Variants in LRRC4C observed in about 807,000 individuals in gnomAD.
The protein encoded by LRRC4C is leucine-rich repeat-containing protein 4C.
A neutral mutation model predicts 33.6 loss-of-function variants in LRRC4C; 5 were observed. That is an observed-to-expected ratio of 0.15 (90% confidence interval 0.08 to 0.31). The LOEUF (loss-of-function observed/expected upper bound fraction) is 0.31, where lower values mean the gene tolerates loss of function less well. Among genes scored for constraint, LRRC4C ranks in the 10% least tolerant of loss-of-function variants. The pLI is 1.00. For synonymous variants in LRRC4C, 329 were observed against 302.0 expected (o/e 1.09, Z -0.93); for missense variants, 560 against 796.7 (o/e 0.70, Z 3.58).
At chr11:40,413,272 A>G (rs1950214773) in intron 3 of LRRC4C, among the ~76,000 whole-genome samples, 1 of 152,034 alleles carries the variant, frequency 6.6e-6, no homozygotes, top group Admixed American at 6.6e-5. Flanking sequence ...CAATCTTTGG[A>G]CTGCATCAGA....
At chr11:40,939,358 T>A (rs1958043096) in intron 1 of LRRC4C, among the ~76,000 whole-genome samples, 2 of 152,324 alleles carry the variant, frequency 1.3e-5, no homozygotes, top group South Asian at 4.1e-4. Context: ...AAGACACTTT[T>A]AAATCATTAT....
intron 5 of LRRC4C, among the ~76,000 whole-genome samples, chr11:40,148,361 T>A (rs918459794): frequency 6.6e-6 from 1 of 152,238 alleles, no homozygotes; most frequent in Non-Finnish European, 1.5e-5. Flanking sequence ...TTTTGACTTT[T>A]TATAATAGCC....
At chr11:41,404,563 C>CACA (rs1555166456) in intron 1 of LRRC4C, among the ~76,000 whole-genome samples, 1 of 80,086 alleles carries the variant, frequency 1.2e-5, no homozygotes, top group Non-Finnish European at 2.5e-5. Context: ...CACACACACA[C>CACA]CCCCCGAGGT....
intron 3 of LRRC4C, among the ~76,000 whole-genome samples, chr11:40,614,494 C>A (rs534531264): frequency 6.6e-6 from 1 of 151,902 alleles, no homozygotes; most frequent in East Asian, 1.9e-4. Flanking sequence ...TTCTCCATAT[C>A]AGCAATAAAG....
At chr11:40,476,213 C>T (rs952869306) in intron 3 of LRRC4C, among the ~76,000 whole-genome samples, 21 of 152,008 alleles carry the variant, frequency 1.4e-4, no homozygotes, top group Non-Finnish European at 7.4e-5. Context: ...ATACATGCCA[C>T]ATGCATCCAT....
intron 1 of LRRC4C, among the ~76,000 whole-genome samples, chr11:41,181,022 AAAG>A (rs1265453987): frequency 2.2e-4 from 34 of 152,160 alleles, no homozygotes; most frequent in African/African-American, 8.0e-4. Context: ...GAAGAAAAAA[AAAG>A]AAAAGTTTTA....
chr11:40,208,961 G>GTGTGTA (rs1295947039), intron 5 of LRRC4C, among the ~76,000 whole-genome samples: 2 of 151,746 alleles, frequency 1.3e-5, no homozygotes, highest in Admixed American at 1.3e-4. Flanking sequence ...GTGTGTGTGT[G>GTGTGTA]TGTGTGTGTG....
At chr11:40,372,034 T>C (rs1177814230) in intron 3 of LRRC4C, among the ~76,000 whole-genome samples, 1 of 152,138 alleles carries the variant, frequency 6.6e-6, no homozygotes, top group Non-Finnish European at 1.5e-5. Context: ...GTTCATGAGA[T>C]GAAATAAACA....
intron 3 of LRRC4C, among the ~76,000 whole-genome samples, chr11:40,391,974 T>C (rs898895407): frequency 6.6e-6 from 1 of 152,104 alleles, no homozygotes; most frequent in African/African-American, 2.4e-5. Flanking sequence ...TACAAAGAAA[T>C]GAGCTATCAA....
intron 1 of LRRC4C, among the ~76,000 whole-genome samples, chr11:41,317,034 C>T (rs887520469): frequency 4.6e-5 from 7 of 152,174 alleles, no homozygotes; most frequent in African/African-American, 1.4e-4. Context: ...GCCAACAGTC[C>T]CCTTTTCTCT....
At position 40,116,206 on chromosome 11, in the gene LRRC4C, C is replaced by T. The variant is rs1470104559; in HGVS notation, c.87G>A (p.Val29=). 6.2e-7 allele frequency: 1 copy of T among 1,613,898 alleles called. No individual in the cohort carries two copies. The highest frequency in any genetic ancestry group is 8.5e-7 in the Non-Finnish European group (1 of 1,179,996). Residue 29 remains valine (V), a synonymous_variant, in exon 7 of 7, where the codon GTG becomes GTA. Coordinates refer to ENST00000528697, the MANE Select transcript of LRRC4C (RefSeq NM_001258419.2). ...CCACAAGAAGTTGAAGAGCCAGCAGCACCACAAGCAGGGGGTCAAATAGGG... is the reference window on the plus strand; with the variant it reads ...CCACAAGAAGTTGAAGAGCCAGCAGTACCACAAGCAGGGGGTCAAATAGGG... ...NRALFDPLLV[V]LLALQLLVVA... is the part of the protein sequence containing the mutation.
intron 3 of LRRC4C, among the ~76,000 whole-genome samples, chr11:40,563,148 G>A (rs980693752): frequency 6.6e-6 from 1 of 152,104 alleles, no homozygotes; most frequent in African/African-American, 2.4e-5. Context: ...AGTATGTAAT[G>A]AGATAAGGTT....
intron 3 of LRRC4C, among the ~76,000 whole-genome samples, chr11:40,647,794 G>A (rs1023092498): frequency 6.6e-6 from 1 of 152,092 alleles, no homozygotes; most frequent in Admixed American, 6.6e-5. Context: ...ATCCCAAGAA[G>A]GACAATCTGC....
intron 3 of LRRC4C, among the ~76,000 whole-genome samples, chr11:40,466,621 C>G (rs926727883): frequency 6.6e-6 from 1 of 151,256 alleles, no homozygotes; most frequent in African/African-American, 2.4e-5. Context: ...TATTACAAAG[C>G]CTTAGAGATA....
At chr11:40,449,097 GT>G (rs927629252) in intron 3 of LRRC4C, among the ~76,000 whole-genome samples, 2 of 151,258 alleles carry the variant, frequency 1.3e-5, no homozygotes, top group Non-Finnish European at 3.0e-5. Context: ...GATGGGGTTG[GT>G]TTTTTTTCTT....
At chr11:41,405,985 C>T (rs1208645339) in intron 1 of LRRC4C, among the ~76,000 whole-genome samples, 3 of 152,104 alleles carry the variant, frequency 2.0e-5, no homozygotes, top group Admixed American at 2.0e-4. Context: ...ATCTCATTCA[C>T]AGGACAGCTG....
At chr11:40,362,508 T>C (rs1247047541) in intron 3 of LRRC4C, among the ~76,000 whole-genome samples, 1 of 152,018 alleles carries the variant, frequency 6.6e-6, no homozygotes, top group African/African-American at 2.4e-5. Flanking sequence ...ACACCTGAGG[T>C]CAGGAGTTCA....
intron 2 of LRRC4C, among the ~76,000 whole-genome samples, chr11:40,892,372 A>G (rs987121695): frequency 2.0e-5 from 3 of 152,122 alleles, no homozygotes; most frequent in East Asian, 1.9e-4. Flanking sequence ...CATATGCACA[A>G]TGGAGTACTA....
intron 3 of LRRC4C, among the ~76,000 whole-genome samples, chr11:40,464,039 A>T (rs2138214544): frequency 6.6e-6 from 1 of 152,204 alleles, no homozygotes; most frequent in African/African-American, 2.4e-5. Flanking sequence ...ACAACAAAGT[A>T]AAACTACAGA....
Sources: gnomAD v4.1 joint callset for allele counts (sites outside exome capture counted in the v4.1 genomes callset) on GRCh38, gnomAD v4.1.1 for gene constraint, MANE v1.5 for transcripts, NCBI Gene and HGNC (gene_info 2026-07-23, HGNC 2026-07-21) for gene names.